Variants in KIF3A observed in about 807,000 individuals in gnomAD.
The protein encoded by KIF3A is kinesin-like protein KIF3A.
A neutral mutation model predicts 92.6 loss-of-function variants in KIF3A; 27 were observed. The observed-to-expected ratio is 0.29, with a 90% CI of 0.21 to 0.40. The LOEUF (loss-of-function observed/expected upper bound fraction) is 0.40, where lower values mean the gene tolerates loss of function less well. Ranked by LOEUF, KIF3A falls within the 10% of genes least tolerant of loss-of-function variation. The pLI is 1.00. For missense variants in KIF3A, 581 were observed against 872.6 expected, an observed-to-expected ratio of 0.67 and a Z score of 4.21; for synonymous variants, 250 against 275.4, an observed-to-expected ratio of 0.91 and a Z score of 0.92.
intron 4 of KIF3A, among the ~76,000 whole-genome samples, chr5:132,724,239 C>T (rs1367359647): frequency 6.6e-6 from 1 of 152,140 alleles, no homozygotes; most frequent in African/African-American, 2.4e-5. Flanking sequence ...GTCAGTGTGG[C>T]GATTCCTCAG....
At chr5:132,716,055 G>C (rs1026200874) in intron 7 of KIF3A, 124 bp from the exon 8 acceptor site, 4 of 862,112 alleles carry the variant, frequency 4.6e-6, no homozygotes, top group Non-Finnish European at 7.0e-6. Context: ...TCGAAAATGA[G>C]AGTGTCAACC....
In KIF3A at chr5:132,702,112, T is replaced by C. The variant is rs754832392; in HGVS notation, c.1859A>G (p.Asp620Gly). The C allele has an allele frequency of 6.2e-7, 1 of 1,613,386 alleles. No individual in the cohort carries two copies. Among genetic ancestry groups the C allele is most frequent in the South Asian group, 1.1e-5 (1 of 91,010 alleles). The change falls in exon 15 of 19, where the codon GAT becomes GGT. Residue 620 changes from aspartate to glycine, a missense_variant. Asp to Gly is a moderately conservative substitution (Grantham distance 94, BLOSUM62 -1). This residue lies in a region of KIF3A where 112 missense variants were observed against 144.3 expected (regional missense o/e 0.78). Coordinates refer to ENST00000403231, the MANE Select transcript of KIF3A (RefSeq NM_001300791.2). The part of the protein sequence containing the change: ...RELRLQMLII[D>G]NFIPRDYQEM... ...CTGATAATCCCGAGGTATAAAGTTA[T>C]CAATAATAAGCATCTGAAGTCGAAG...
In KIF3A at chr5:132,720,740, T is replaced by A. The variant is rs780117077; in HGVS notation, c.511-26A>T. Reference sequence around the variant, plus strand: ...CTAAAAAAAAATTAAGACTTTATACTATATCAATAACTCTTCCACAATTAT... The same window carrying A: ...CTAAAAAAAAATTAAGACTTTATACAATATCAATAACTCTTCCACAATTAT... On this transcript the variant is annotated intron_variant, in intron 4 of 18. Coordinates refer to ENST00000403231, the MANE Select transcript of KIF3A (RefSeq NM_001300791.2). The A allele has an allele frequency of 2.4e-6, 3 of 1,267,956 alleles. No homozygotes were observed. In the African/African-American group the frequency reaches 4.5e-5, roughly 19 times the overall value. 78.5% of individuals were successfully genotyped at this position (1,267,956 alleles called of 1,614,324 possible). A position where few individuals can be genotyped will look rare whatever the true frequency, so the allele number is the denominator to read the frequency against.
chr5:132,712,754 C>T (rs529323434), intron 8 of KIF3A, among the ~76,000 whole-genome samples: 1 of 152,216 alleles, frequency 6.6e-6, no homozygotes, highest in South Asian at 2.1e-4. Flanking sequence ...TAGACAAACC[C>T]AAATTAATGA....
At chr5:132,699,091 T>A in intron 18 of KIF3A, 80 bp downstream of exon 18, 1 of 1,364,554 alleles carries the variant, frequency 7.3e-7, no homozygotes, top group Non-Finnish European at 1.0e-6. Context: ...TTTAACTAAA[T>A]AAATTTTAAC....
chr5:132,702,442 T>C, intron 14 of KIF3A, 116 bp downstream of exon 14: 1 of 692,420 alleles, frequency 1.4e-6, no homozygotes, highest in Non-Finnish European at 2.3e-6. Flanking sequence ...TAAAGAAATA[T>C]TTTATTTCTT....
Position 132,702,188 on chromosome 5 carries a change from G to A in KIF3A, c.1783C>T (p.Gln595Ter). Reference sequence around the variant, plus strand: ...TCCAGTAGGCCTTCAATTTCCCTCTGATGTTCTTGTTGGAGATCAGCCATC... The same window carrying A: ...TCCAGTAGGCCTTCAATTTCCCTCTAATGTTCTTGTTGGAGATCAGCCATC... ...SEMADLQQEH[Q>*]REIEGLLENI... Residue 595 changes from glutamine to a stop codon, truncating the protein, a stop_gained, in exon 15 of 19, where the codon CAG becomes TAG. Coordinates refer to ENST00000403231, the MANE Select transcript of KIF3A (RefSeq NM_001300791.2). LOFTEE classifies it high-confidence loss of function. 1 of 1,613,470 alleles carries A rather than the reference G, an allele frequency of 6.2e-7. No individual in the cohort carries two copies. The highest frequency in any genetic ancestry group is 8.5e-7 in the Non-Finnish European group (1 of 1,179,550).
At chr5:132,700,788 G>T in intron 15 of KIF3A, 88 bp from the exon 16 acceptor site, 1 of 777,640 alleles carries the variant, frequency 1.3e-6, no homozygotes, top group South Asian at 1.6e-5. Flanking sequence ...TAATAACATT[G>T]AGTAATAAAA....
chr5:132,719,384 T>C lies in KIF3A; in HGVS notation c.616+1225A>G, dbSNP rs11957172. ...TATTAATTGGTTCATAAGAATGTAA[T>C]TGATTTTTGAAGTTTTGTTGTTTGA... On this transcript the variant is annotated intron_variant, in intron 5 of 18. Coordinates refer to ENST00000403231, the MANE Select transcript of KIF3A (RefSeq NM_001300791.2). Among the ~76,000 whole-genome samples the C allele has an allele frequency of 4.5e-3, 688 of 152,354 alleles. 4 individuals carry two copies. Among genetic ancestry groups the C allele is most frequent in the Non-Finnish European group, 7.4e-3 (503 of 68,030 alleles).
intron 8 of KIF3A, among the ~76,000 whole-genome samples, chr5:132,713,824 C>T (rs1753514692): frequency 6.6e-6 from 1 of 151,642 alleles, no homozygotes; most frequent in Non-Finnish European, 1.5e-5. Context: ...CACGGATGAC[C>T]CTTGAAGGCA....
At position 132,716,483 on chromosome 5, in the gene KIF3A, T is replaced by A. The variant is rs779080366; in HGVS notation, c.757-41A>T. 9.5e-5 allele frequency: 143 copies of A among 1,503,840 alleles called. No homozygotes were observed. Among genetic ancestry groups the A allele is most frequent in the Middle Eastern group, 5.2e-4 (3 of 5,734 alleles). The allele number at this position is 1,503,840 out of a possible 1,614,324, so 93.2% of individuals were successfully genotyped here. A position where few individuals can be genotyped will look rare whatever the true frequency, so the allele number is the denominator to read the frequency against. ...GATGAAAGTAAAGCTAAAATTTTTT[T>A]AAAAATAGAATATTCTTCCCAAGGT... On this transcript the variant is annotated intron_variant, in intron 6 of 18. Coordinates refer to ENST00000403231, the MANE Select transcript of KIF3A (RefSeq NM_001300791.2).
Position 132,708,979 on chromosome 5 carries a change from C to T in KIF3A, c.1229-1G>A. The T allele has an allele frequency of 6.5e-7, 1 of 1,549,122 alleles. No homozygotes were observed. The highest frequency in any genetic ancestry group is 8.7e-7 in the Non-Finnish European group (1 of 1,145,854). ...TCTGAACTACTGCTGCTGCTACTGC[C>T]TGGAAAACAAAGAAATGAGCCCAAC... On this transcript the variant is annotated splice_acceptor_variant, in intron 9 of 18. Coordinates refer to ENST00000403231, the MANE Select transcript of KIF3A (RefSeq NM_001300791.2). LOFTEE classifies it high-confidence loss of function.
In KIF3A at chr5:132,724,792, T is replaced by TAAAAAAAA. The variant is rs756540926; in HGVS notation, c.510+1328_510+1335dup. The stretch of plus-strand genomic sequence containing the variant: ...ATGTACCCTAGAACTTAAAGTATAA[T>TAAAAAAAA]AAAAAAAAAAAAAAATATATATATA... On this transcript the variant is annotated intron_variant, in intron 4 of 18. Transcript: ENST00000403231. 2.8e-4 allele frequency among the ~76,000 whole-genome samples: 18 copies of TAAAAAAAA among 64,344 alleles called. 1 individual carries two copies. The highest frequency in any genetic ancestry group is 1.5e-3 in the East Asian group (1 of 680). 42.2% of individuals were successfully genotyped at this position (64,344 alleles called of 152,430 possible).
chr5:132,726,408 G>A lies in KIF3A; in HGVS notation c.371C>T (p.Pro124Leu), dbSNP rs1394685184. Residue 124 changes from proline to leucine, a missense_variant, in exon 3 of 19, where the codon CCC (proline) becomes CTC (leucine). Pro to Leu is a moderately conservative substitution (Grantham distance 98). Transcript: ENST00000403231. Reference sequence around the variant, plus strand: ...ACCAAATATGTGAGCAAATGAATTGGGAATTATTCCTCTAAGTTCAGGAAT... The same window carrying A: ...ACCAAATATGTGAGCAAATGAATTGAGAATTATTCCTCTAAGTTCAGGAAT... ...RAIPELRGII[P>L]NSFAHIFGHI... 1 of 1,613,484 alleles carries A rather than the reference G, an allele frequency of 6.2e-7. No individual in the cohort carries two copies. Among genetic ancestry groups the A allele is most frequent in the African/African-American group, 1.3e-5 (1 of 74,876 alleles).
chr5:132,736,993 C>A (rs994007703), intron 1 of KIF3A: 4 of 328,658 alleles, frequency 1.2e-5, no homozygotes, highest in Admixed American at 4.8e-5. Context: ...GGAATAGGGG[C>A]AGGCAGCCTT....
At position 132,726,446 on chromosome 5, in the gene KIF3A, T is replaced by A. The variant is rs745348587; in HGVS notation, c.333A>T (p.Glu111Asp). 6.2e-7 allele frequency: 1 copy of A among 1,613,584 alleles called. No individual in the cohort carries two copies. The highest frequency in any genetic ancestry group is 1.3e-5 in the African/African-American group (1 of 74,904). ...QTGTGKTFTM[E>D]GVRAIPELRG... ...TAAGTTCAGGAATAGCTCGAACACCTTCCATGGTAAAAGTTTTGCCTGTTC... is the reference window on the plus strand; with the variant it reads ...TAAGTTCAGGAATAGCTCGAACACCATCCATGGTAAAAGTTTTGCCTGTTC... Residue 111 changes from glutamate to aspartate, a missense_variant, in exon 3 of 19, where the codon GAA becomes GAT. Glu to Asp is a conservative substitution (Grantham distance 45, BLOSUM62 2). Around this residue, in one of 5 missense-constraint regions of KIF3A, gnomAD observed 217 missense variants for 299.7 expected, o/e 0.72. Coordinates refer to ENST00000403231, the MANE Select transcript of KIF3A (RefSeq NM_001300791.2).
chr5:132,691,247 CAG>C (rs1752656441), downstream of KIF3A, among the ~76,000 whole-genome samples: 1 of 152,116 alleles, frequency 6.6e-6, no homozygotes, highest in South Asian at 2.1e-4. Context: ...TAACAAAATT[CAG>C]ATAGAAGTAT....
At chr5:132,717,419 G>A (rs982427485) in intron 5 of KIF3A, among the ~76,000 whole-genome samples, 3 of 152,096 alleles carry the variant, frequency 2.0e-5, no homozygotes, top group Admixed American at 6.5e-5. Flanking sequence ...GAATCCGAGA[G>A]GTGGAGGTTG....
At chr5:132,706,817 C>T (rs1186188095) in intron 10 of KIF3A, among the ~76,000 whole-genome samples, 1 of 152,092 alleles carries the variant, frequency 6.6e-6, no homozygotes. Context: ...TAGGAACCTG[C>T]TAAGATCTGG....
Sources: allele counts gnomAD v4.1 joint callset (sites outside exome capture counted in the v4.1 genomes callset), GRCh38; gene constraint gnomAD v4.1.1; regional missense constraint gnomAD v4.1.1; transcripts MANE v1.5; gene names NCBI Gene and HGNC (gene_info 2026-07-23, HGNC 2026-07-21).